The following MRE11 variants were observed in gnomAD, a reference collection of about 807,000 sequenced individuals.
MRE11 encodes the protein double-strand break repair protein MRE11.
Under a neutral mutation model 91.7 loss-of-function variants are expected in MRE11, and 62 were observed. That is an observed-to-expected ratio of 0.68 (90% CI 0.55 to 0.84). The LOEUF is 0.84. Among genes scored for constraint, MRE11 ranks in the 40% least tolerant of loss-of-function variants. The pLI, the probability that MRE11 is intolerant of heterozygous loss-of-function variation, is 0.00. For synonymous variants in MRE11, 273 were observed against 271.4 expected, an observed-to-expected ratio of 1.01 and a Z score of -0.06; for missense variants, 796 against 852.9, an observed-to-expected ratio of 0.93 and a Z score of 0.83.
chr11:94,506,572 A>G, the MRE11 span, among the ~76,000 whole-genome samples: 1 of 151,642 alleles, frequency 6.6e-6, no homozygotes, highest in Non-Finnish European at 1.5e-5. Context: ...AAAAAAGAGG[A>G]AGACAGTAAT....
intron 18 of MRE11, 80 bp from the exon 19 acceptor site, chr11:94,430,066 T>G (rs1352817599): frequency 7.6e-7 from 1 of 1,315,704 alleles, no homozygotes; most frequent in Non-Finnish European, 1.1e-6. Flanking sequence ...AGTTTTTCAA[T>G]CCAGCAGCTG....
chr11:94,449,521 C>T (rs561015796), intron 14 of MRE11, among the ~76,000 whole-genome samples: 1 of 152,326 alleles, frequency 6.6e-6, no homozygotes, highest in African/African-American at 2.4e-5. Flanking sequence ...GCCTGACACA[C>T]ATATTCCCAG....
intron 14 of MRE11, among the ~76,000 whole-genome samples, chr11:94,452,900 C>T (rs1946149060): frequency 6.6e-6 from 1 of 152,090 alleles, no homozygotes; most frequent in Non-Finnish European, 1.5e-5. Flanking sequence ...TGTACATTCA[C>T]ATGGTTATGC....
chr11:94,496,628 A>G (rs1451508272), upstream of MRE11: 1 of 1,382,200 alleles, frequency 7.2e-7, no homozygotes, highest in East Asian at 2.3e-5. Context: ...AGCAGTCATA[A>G]TTCATCTCTA....
At chr11:94,476,653 G>A (rs929745882) in intron 6 of MRE11, among the ~76,000 whole-genome samples, 2 of 151,718 alleles carry the variant, frequency 1.3e-5, no homozygotes, top group African/African-American at 2.4e-5. Flanking sequence ...CAATCCTCTC[G>A]CCTCAGCCTC....
intron 16 of MRE11, among the ~76,000 whole-genome samples, chr11:94,445,303 TTTTTG>T (rs1220644428): frequency 1.3e-5 from 2 of 152,176 alleles, no homozygotes; most frequent in Non-Finnish European, 2.9e-5. Context: ...TAAAACATAA[TTTTTG>T]TTTTGTTTTG....
chr11:94,476,236 A>C lies in MRE11; in HGVS notation c.659+53T>G, dbSNP rs1038090724. 6.1e-6 allele frequency: 7 copies of C among 1,145,312 alleles called. No individual in the cohort carries two copies. The East Asian group carries it at 7.1e-5, about 12-fold the overall frequency. 70.9% of individuals were successfully genotyped at this position (1,145,312 alleles called of 1,614,324 possible). ...CACTAAAATAGGTAAGCTCAGAAAC[A>C]GATTTGGGAAGCCTCAGCACTTGGC... On this transcript the variant is annotated intron_variant, in intron 7 of 19. Transcript: ENST00000323929.
intron 9 of MRE11, 40 bp from the exon 10 acceptor site, chr11:94,467,933 C>T: frequency 6.6e-7 from 1 of 1,523,032 alleles, no homozygotes; most frequent in Non-Finnish European, 9.1e-7. Flanking sequence ...ACGTAGTAAA[C>T]TGAGTTTAAC....
At chr11:94,481,470 T>C (rs1410443716) in intron 4 of MRE11, among the ~76,000 whole-genome samples, 1 of 152,236 alleles carries the variant, frequency 6.6e-6, no homozygotes, top group African/African-American at 2.4e-5. Context: ...TTCTTCCTGA[T>C]TGAACTGTGA....
At position 94,456,357 on chromosome 11, in the gene MRE11, A is replaced by T; in HGVS notation, c.1501-19T>A. The T allele has an allele frequency of 6.3e-7, 1 of 1,587,206 alleles. No homozygotes were observed. The highest frequency in any genetic ancestry group is 1.3e-5 in the African/African-American group (1 of 74,526). On this transcript the variant is annotated intron_variant, in intron 13 of 19. Coordinates refer to ENST00000323929, the MANE Select transcript of MRE11 (RefSeq NM_005591.4). ...GACGTACCTAGATCATAACAGAGTAAATCACAAACATGTTGCCTATTCCAG... is the reference window on the plus strand; with the variant it reads ...GACGTACCTAGATCATAACAGAGTATATCACAAACATGTTGCCTATTCCAG...
At chr11:94,432,672 T>C (rs183170075) in intron 18 of MRE11, among the ~76,000 whole-genome samples, 2 of 152,254 alleles carry the variant, frequency 1.3e-5, no homozygotes, top group Admixed American at 6.5e-5. Flanking sequence ...CCGGGCATGG[T>C]GGCAGGGCCT....
intron 15 of MRE11, 64 bp from the exon 16 acceptor site, chr11:94,445,957 A>T: frequency 1.7e-6 from 2 of 1,188,052 alleles, no homozygotes; most frequent in East Asian, 4.6e-5. Flanking sequence ...TTCATACAAC[A>T]CTAAAAAATG....
At position 94,428,618 on chromosome 11, in the gene MRE11, C is replaced by G. The variant is rs144049575; in HGVS notation, c.2070+1293G>C. ...GTGGCTCACACCTGTAATCCCAGCA[C>G]TTTGGGAGGCCGAGGCAGGTGGATC... On this transcript the variant is annotated intron_variant, in intron 19 of 19. Coordinates refer to ENST00000323929, the MANE Select transcript of MRE11 (RefSeq NM_005591.4). Among the ~76,000 whole-genome samples, 834 of 152,168 alleles carry G rather than the reference C, an allele frequency of 5.5e-3. 14 individuals are homozygous for G. The highest frequency in any genetic ancestry group is 0.019 in the African/African-American group (798 of 41,504).
intron 7 of MRE11, 116 bp downstream of exon 7, chr11:94,476,173 G>C: frequency 1.4e-6 from 1 of 691,548 alleles, no homozygotes; most frequent in Admixed American, 2.3e-5. Flanking sequence ...TGTTTTGTCT[G>C]ATCTTGCATT....
intron 14 of MRE11, among the ~76,000 whole-genome samples, chr11:94,450,885 G>T (rs1304885758): frequency 1.3e-5 from 2 of 152,086 alleles, no homozygotes; most frequent in Non-Finnish European, 2.9e-5. Flanking sequence ...TATAAGCACT[G>T]GTCCTTTGGG....
intron 18 of MRE11, among the ~76,000 whole-genome samples, chr11:94,435,063 A>C (rs1008095824): frequency 6.6e-6 from 1 of 152,208 alleles, no homozygotes; most frequent in Non-Finnish European, 1.5e-5. Context: ...ATAGGCAAAA[A>C]ATCCCAAAAC....
chr11:94,504,702 C>A, the MRE11 span, among the ~76,000 whole-genome samples: 4 of 152,158 alleles, frequency 2.6e-5, no homozygotes, highest in South Asian at 8.3e-4. Context: ...TGCTATAAGA[C>A]AAACTGAGAT....
chr11:94,460,412 A>G (rs1469679765), intron 12 of MRE11, among the ~76,000 whole-genome samples: 1 of 152,236 alleles, frequency 6.6e-6, no homozygotes, highest in Admixed American at 6.5e-5. Flanking sequence ...CTTTGTTTGT[A>G]GAATAATTCT....
chr11:94,446,019 T>C, intron 15 of MRE11, 126 bp from the exon 16 acceptor site: 1 of 731,084 alleles, frequency 1.4e-6, no homozygotes, highest in Non-Finnish European at 2.4e-6. Context: ...GCCAGACATA[T>C]ATATAAGAAC....
Sources: allele counts gnomAD v4.1 joint callset (sites outside exome capture counted in the v4.1 genomes callset), GRCh38; gene constraint gnomAD v4.1.1; transcripts MANE v1.5; gene names NCBI Gene and HGNC (gene_info 2026-07-23, HGNC 2026-07-21).